The following ACOX3 variants were observed in gnomAD, a reference collection of about 807,000 sequenced individuals.
ACOX3 encodes the protein acyl-CoA oxidase 3, pristanoyl, also known as peroxisomal acyl-coenzyme A oxidase 3.
A neutral mutation model predicts 81.5 loss-of-function variants in ACOX3; 73 were observed. The ratio of observed to expected loss-of-function variants is 0.90; its 90% CI spans 0.74 to 1.09. The LOEUF (loss-of-function observed/expected upper bound fraction) is 1.09, where lower values mean the gene tolerates loss of function less well. Among genes scored for constraint, ACOX3 ranks in the 50% least tolerant of loss-of-function variants. ACOX3 has a pLI of 0.00. For synonymous variants in ACOX3, 387 were observed against 375.1 expected (o/e 1.03, Z -0.37); for missense variants, 947 against 928.0 (o/e 1.02, Z -0.27).
chr4:8,387,261 G>A (rs1021905552), intron 13 of ACOX3, among the ~76,000 whole-genome samples: 6 of 152,204 alleles, frequency 3.9e-5, no homozygotes, highest in Admixed American at 1.3e-4. Context: ...CCCCGTCCCC[G>A]TGCTGCAGAT....
chr4:8,387,426 C>T (rs1718446496), intron 13 of ACOX3, among the ~76,000 whole-genome samples: 1 of 152,214 alleles, frequency 6.6e-6, no homozygotes, highest in Non-Finnish European at 1.5e-5. Context: ...GTCACGGGAG[C>T]AGTCAGTTTC....
intron 15 of ACOX3, chr4:8,373,858 G>A (rs1044985481): frequency 6.2e-5 from 36 of 578,898 alleles, no homozygotes; most frequent in Non-Finnish European, 1.0e-4. Context: ...TCTGGCCCGC[G>A]GCAGCGAGGG....
At chr4:8,377,495 T>C (rs1174910235) in intron 14 of ACOX3, among the ~76,000 whole-genome samples, 2 of 152,058 alleles carry the variant, frequency 1.3e-5, no homozygotes, top group Non-Finnish European at 2.9e-5. Flanking sequence ...AAAGGCGTCA[T>C]GGCTCCAAGC....
chr4:8,380,137 C>A (rs1717454676), intron 14 of ACOX3, among the ~76,000 whole-genome samples: 1 of 151,860 alleles, frequency 6.6e-6, no homozygotes, highest in South Asian at 2.1e-4. Context: ...TTTACAGACC[C>A]TGGCCACCTG....
intron 1 of ACOX3, among the ~76,000 whole-genome samples, chr4:8,435,783 G>C (rs1724202311): frequency 1.3e-5 from 2 of 152,214 alleles, no homozygotes; most frequent in African/African-American, 4.8e-5. Flanking sequence ...GTCCCAGAAA[G>C]AGCAAGAGAA....
At chr4:8,433,930 C>T (rs1438667142) in intron 1 of ACOX3, among the ~76,000 whole-genome samples, 1 of 152,076 alleles carries the variant, frequency 6.6e-6, no homozygotes, top group Non-Finnish European at 1.5e-5. Context: ...CCCTCCTACC[C>T]CCAAACTTGC....
intron 14 of ACOX3, among the ~76,000 whole-genome samples, chr4:8,376,935 C>T (rs1018590172): frequency 2.6e-5 from 4 of 152,206 alleles, no homozygotes; most frequent in African/African-American, 7.2e-5. Flanking sequence ...CACCTGAGGC[C>T]TCTGGCAGGA....
intron 1 of ACOX3, among the ~76,000 whole-genome samples, chr4:8,421,405 C>T (rs546573018): frequency 6.6e-6 from 1 of 152,346 alleles, no homozygotes; most frequent in African/African-American, 2.4e-5. Flanking sequence ...AGAGGGCTGA[C>T]TAGAGGCAGA....
Position 8,416,594 on chromosome 4 carries a change from C to T in ACOX3, c.-14-59G>A. 1 of 1,489,128 alleles carries T rather than the reference C, an allele frequency of 6.7e-7. No homozygotes were observed. Among genetic ancestry groups the T allele is most frequent in the Non-Finnish European group, 8.9e-7 (1 of 1,120,518 alleles). 92.2% of individuals were successfully genotyped at this position (1,489,128 alleles called of 1,614,324 possible). A position where few individuals can be genotyped will look rare whatever the true frequency, so the allele number is the denominator to read the frequency against. On this transcript the variant is annotated intron_variant, in intron 1 of 17. Transcript: ENST00000356406. This position sits in a 1 kb window ranked among gnomAD's most constrained non-coding sequence, Gnocchi z 4.2. The stretch of plus-strand genomic sequence containing the variant: ...CCCATCTATGGGTTCAAACTACCCC[C>T]ACCAACAGGAGAGCCCGCAACACCT...
chr4:8,410,090 G>A, intron 6 of ACOX3, 122 bp downstream of exon 6: 1 of 1,305,122 alleles, frequency 7.7e-7, no homozygotes, highest in Non-Finnish European at 1.0e-6. Flanking sequence ...CAGTGTCCCT[G>A]GTCCACTCAC....
Position 8,385,291 on chromosome 4 carries a change from G to A in ACOX3, c.1538-3684C>T, listed in dbSNP as rs1436561221. 1.3e-5 allele frequency among the ~76,000 whole-genome samples: 2 copies of A among 150,478 alleles called. No individual in the cohort carries two copies. The highest frequency in any genetic ancestry group is 2.5e-5 in the African/African-American group (1 of 40,688). Reference sequence around the variant, plus strand: ...ACCATGCACTCCACGTGACCTCACCGCTCCCCCACGTGACTCCACCGCTCA... The same window carrying A: ...ACCATGCACTCCACGTGACCTCACCACTCCCCCACGTGACTCCACCGCTCA... On this transcript the variant is annotated intron_variant, in intron 13 of 17. Coordinates refer to ENST00000356406, the MANE Select transcript of ACOX3 (RefSeq NM_003501.3). This position sits in a 1 kb window ranked among gnomAD's most constrained non-coding sequence, Gnocchi z 5.5.
rs775215877 is a variant in ACOX3 at position 8,415,763 on chromosome 4, C to T, written c.378+3G>A. 6 of 1,613,488 alleles carry T rather than the reference C, an allele frequency of 3.7e-6. No individual in the cohort carries two copies. Among genetic ancestry groups the T allele is most frequent in the South Asian group, 2.2e-5 (2 of 91,036 alleles). On this transcript the variant is annotated splice_donor_region_variant and intron_variant, in intron 3 of 17. Coordinates refer to ENST00000356406, the MANE Select transcript of ACOX3 (RefSeq NM_003501.3). ...TTCCCTCTCCCCTAGGCCGCATGCTCACCAAGCTATGGAGGAGGTACTTGG... is the reference window on the plus strand; with the variant it reads ...TTCCCTCTCCCCTAGGCCGCATGCTTACCAAGCTATGGAGGAGGTACTTGG...
chr4:8,403,413 G>A (rs1485900417), intron 7 of ACOX3, among the ~76,000 whole-genome samples: 1 of 152,156 alleles, frequency 6.6e-6, no homozygotes, highest in Non-Finnish European at 1.5e-5. Context: ...GAAAGGGGCG[G>A]AGAGCAGGCC....
In ACOX3 at chr4:8,394,336, T is replaced by A. The variant is rs1316688929; in HGVS notation, c.1179+284A>T. On this transcript the variant is annotated intron_variant, in intron 10 of 17. Transcript: ENST00000356406. The surrounding 1 kb of genome is among the most constrained non-coding windows in gnomAD (Gnocchi z 5.9). ...CCACTGAGGGGCGGGTAACGTGGAT[T>A]TTGCAAAACCGTCATGTTCTCAAAA... Among the ~76,000 whole-genome samples the A allele has an allele frequency of 6.6e-6, 1 of 152,132 alleles. No individual in the cohort carries two copies. The highest frequency in any genetic ancestry group is 1.5e-5 in the Non-Finnish European group (1 of 68,036).
At chr4:8,367,806 CAAAAA>C (rs535574857) in intron 17 of ACOX3, among the ~76,000 whole-genome samples, 122 of 46,702 alleles carry the variant, frequency 2.6e-3, no homozygotes, top group African/African-American at 5.0e-3. Flanking sequence ...CCCATCTTTA[CAAAAA>C]AAAAAAAAAA....
chr4:8,425,205 A>T (rs1723344485), intron 1 of ACOX3, among the ~76,000 whole-genome samples: 1 of 152,138 alleles, frequency 6.6e-6, no homozygotes, highest in African/African-American at 2.4e-5. Context: ...AGGAAAGAGA[A>T]ATAGAAGGGA....
chr4:8,396,058 C>G (rs910286126), intron 9 of ACOX3, among the ~76,000 whole-genome samples: 2 of 152,226 alleles, frequency 1.3e-5, no homozygotes, highest in Admixed American at 6.5e-5. Context: ...GACAGTTCAT[C>G]CCCCTTCCAT....
In ACOX3 at chr4:8,429,672, G is replaced by A. The variant is rs547319893; in HGVS notation, c.-15+10976C>T. The stretch of plus-strand genomic sequence containing the variant: ...GAGAGTTAATTCAGGTGGAAACAAG[G>A]CTAGGTGATTAAAGGAAAAGGGAGA... On this transcript the variant is annotated intron_variant, in intron 1 of 17. Coordinates refer to ENST00000356406, the MANE Select transcript of ACOX3 (RefSeq NM_003501.3). Among the ~76,000 whole-genome samples the A allele has an allele frequency of 3.9e-4, 59 of 152,322 alleles. No individual in the cohort carries two copies. The South Asian group carries it at 7.5e-3, about 19-fold the overall frequency.
intron 1 of ACOX3, among the ~76,000 whole-genome samples, chr4:8,421,926 T>C (rs1247094544): frequency 1.3e-5 from 2 of 152,236 alleles, no homozygotes; most frequent in African/African-American, 4.8e-5. Flanking sequence ...TCTCTAAGCC[T>C]AGACTCCTTG....
Sources: gnomAD v4.1 joint callset for allele counts (sites outside exome capture counted in the v4.1 genomes callset) on GRCh38, gnomAD v4.1.1 for gene constraint, Gnocchi (gnomAD v3.1) non-coding constraint, MANE v1.5 for transcripts, NCBI Gene and HGNC (gene_info 2026-07-23, HGNC 2026-07-21) for gene names.